The following ITPRID2 variants were observed in gnomAD, a reference collection of about 807,000 sequenced individuals.
ITPRID2 encodes the protein protein ITPRID2.
In ITPRID2, 60 loss-of-function variants were observed where a neutral mutation model predicts 124.3. That is an observed-to-expected ratio of 0.48 (90% CI 0.39 to 0.60). The LOEUF (loss-of-function observed/expected upper bound fraction) is 0.60, where lower values mean the gene tolerates loss of function less well. Among genes scored for constraint, ITPRID2 ranks in the 20% least tolerant of loss-of-function variants. The probability of loss-of-function intolerance (pLI) is 0.00; values close to 1 mark genes in which losing one functional copy is unlikely to be tolerated. For missense variants in ITPRID2, 1,553 were observed against 1,512.2 expected, an observed-to-expected ratio of 1.03 and a Z score of -0.45; for synonymous variants, 521 against 542.9, an observed-to-expected ratio of 0.96 and a Z score of 0.56.
At chr2:181,918,311 G>GA (rs1553490069) in intron 11 of ITPRID2, 10 of 1,145,570 alleles carry the variant, frequency 8.7e-6, no homozygotes, top group Non-Finnish European at 1.1e-5. Context: ...TTTTGATTTT[G>GA]TTTTTTTTTA....
At chr2:181,921,223 A>G (rs1329183457) in intron 15 of ITPRID2, among the ~76,000 whole-genome samples, 3 of 151,616 alleles carry the variant, frequency 2.0e-5, no homozygotes, top group Non-Finnish European at 4.4e-5. Flanking sequence ...CATGCCTGTA[A>G]TCCCAGCATT....
intron 6 of ITPRID2, among the ~76,000 whole-genome samples, chr2:181,900,338 TC>T (rs1195150562): frequency 6.6e-6 from 1 of 152,218 alleles, no homozygotes; most frequent in Non-Finnish European, 1.5e-5. Flanking sequence ...TTTAATCTGT[TC>T]ATTCCTTATT....
chr2:181,920,603 T>C lies in ITPRID2; in HGVS notation c.3151T>C (p.Cys1051Arg), dbSNP rs1427504466. ...ATTGTTCTTACCTTTTCAGGGAATG[T>C]GTGGCAGTAGAAGCGCTGATAACTT... ...PFRSSALMGM[C>R]GSRSADNLSC... The change falls in exon 15 of 18, where the codon TGT becomes CGT. Residue 1051 changes from cysteine (C) to arginine (R), a missense_variant. Coordinates refer to ENST00000431877, the MANE Select transcript of ITPRID2 (RefSeq NM_001130445.3). 1 of 1,612,706 alleles carries C rather than the reference T, an allele frequency of 6.2e-7. No homozygotes were observed. Among genetic ancestry groups the C allele is most frequent in the African/African-American group, 1.3e-5 (1 of 74,894 alleles).
rs971324661 is a variant in ITPRID2 at position 181,929,585 on chromosome 2, G to A, written c.*38G>A. 6.2e-7 allele frequency: 1 copy of A among 1,612,808 alleles called. No individual in the cohort carries two copies. The highest frequency in any genetic ancestry group is 8.5e-7 in the Non-Finnish European group (1 of 1,179,228). On this transcript the variant is annotated 3_prime_UTR_variant, in exon 18 of 18. Coordinates refer to ENST00000431877, the MANE Select transcript of ITPRID2 (RefSeq NM_001130445.3). ...GGTTGGCATGGATCCTATTAGCTGT[G>A]TAATACTGGAATTATCAATGATATG...
At chr2:181,914,658 T>TA (rs1408516501) in intron 10 of ITPRID2, among the ~76,000 whole-genome samples, 1 of 152,196 alleles carries the variant, frequency 6.6e-6, no homozygotes, top group Non-Finnish European at 1.5e-5. Context: ...AATGATAGCT[T>TA]AAGAGTGAGG....
rs1694997722 is a variant in ITPRID2 at position 181,928,151 on chromosome 2, T to C, written c.3676-10T>C. ...TGGTAAATTTTTGTTTTATTGTTTT[T>C]CCAATCTAGATTAAAGAGTCTATTG... On this transcript the variant is annotated splice_polypyrimidine_tract_variant and intron_variant, in intron 16 of 17. Transcript: ENST00000431877. 6.6e-7 allele frequency: 1 copy of C among 1,508,238 alleles called. No homozygotes were observed. Among genetic ancestry groups the C allele is most frequent in the African/African-American group, 1.4e-5 (1 of 70,956 alleles). The allele number at this position is 1,508,238 out of a possible 1,614,324, so 93.4% of individuals were successfully genotyped here. A position where few individuals can be genotyped will look rare whatever the true frequency, so the allele number is the denominator to read the frequency against.
chr2:181,913,291 TCTC>T (rs1693767192), intron 9 of ITPRID2, among the ~76,000 whole-genome samples: 1 of 152,088 alleles, frequency 6.6e-6, no homozygotes, highest in Admixed American at 6.5e-5. Context: ...ATGGTCTCGA[TCTC>T]CTAACCTCGT....
chr2:181,913,672 A>G (rs1175838021), intron 9 of ITPRID2, among the ~76,000 whole-genome samples, 173 bp from the exon 10 acceptor site: 1 of 152,186 alleles, frequency 6.6e-6, no homozygotes, highest in Non-Finnish European at 1.5e-5. Flanking sequence ...TACTTTGAAG[A>G]CATAATTTTG....
At chr2:181,920,445 A>G (rs1206520365) in intron 14 of ITPRID2, 152 bp from the exon 15 acceptor site, 5 of 488,474 alleles carry the variant, frequency 1.0e-5, no homozygotes, top group Non-Finnish European at 1.7e-5. Flanking sequence ...CCTTTGTGAC[A>G]TAAAGGGATG....
intron 4 of ITPRID2, among the ~76,000 whole-genome samples, chr2:181,897,523 T>G (rs1692300652): frequency 6.6e-6 from 1 of 151,986 alleles, no homozygotes; most frequent in South Asian, 2.1e-4. Flanking sequence ...TTGTGCTATT[T>G]AAAAGTTTTT....
intron 15 of ITPRID2, among the ~76,000 whole-genome samples, chr2:181,920,864 T>C (rs572896452): frequency 6.6e-6 from 1 of 152,350 alleles, no homozygotes; most frequent in East Asian, 1.9e-4. Flanking sequence ...AATAGTGATT[T>C]ATCTTTCTGA....
rs201180583 is a variant in ITPRID2 at position 181,915,372 on chromosome 2, G to A, written c.1732G>A (p.Gly578Arg). Residue 578 changes from glycine to arginine, a missense_variant, in exon 11 of 18, where the codon GGA (glycine) becomes AGA (arginine). Transcript: ENST00000431877. ...EEESLVPLQK[G>R]LEKAAAVADK... ...GGAGTCTCTTGTCCCTCTTCAGAAG[G>A]GACTAGAGAAGGCAGCAGCAGTTGC... The A allele has an allele frequency of 5.1e-5, 83 of 1,613,948 alleles. No individual in the cohort carries two copies. The highest frequency in any genetic ancestry group is 4.9e-4 in the Middle Eastern group (3 of 6,084).
rs183995337 is a variant in ITPRID2, at chr2:181,918,605, T to G, written c.2795T>G (p.Met932Arg). The G allele has an allele frequency of 4.3e-6, 7 of 1,613,942 alleles. No individual in the cohort carries two copies. The East Asian group carries it at 1.6e-4, about 36-fold the overall frequency. ...ACTTTTACTTTTTTGAAGTACCCTA[T>G]GATGAGAGGACCTGATCCTGCTGCT... ...NSLQNLSQYP[M>R]MRGPDPAAAP... is the part of the protein sequence containing the mutation. The change falls in exon 12 of 18, where the codon ATG (methionine) becomes AGG (arginine). Residue 932 changes from methionine to arginine, a missense_variant. Physicochemically the swap from Met to Arg is moderately conservative, Grantham distance 91 (BLOSUM62 -1). Transcript: ENST00000431877.
rs754923283 is a variant in ITPRID2 at position 181,915,652 on chromosome 2, C to T, written c.2012C>T (p.Ala671Val). 4.6e-5 allele frequency: 74 copies of T among 1,614,070 alleles called. No individual in the cohort carries two copies. The highest frequency in any genetic ancestry group is 6.1e-5 in the Non-Finnish European group (72 of 1,180,038). Reference sequence around the variant, plus strand: ...CTGAAATCATTGGCTTCTATTGAAGCTAAATGCAGTGATATGAGCTCTGAA... The same window carrying T: ...CTGAAATCATTGGCTTCTATTGAAGTTAAATGCAGTGATATGAGCTCTGAA... The part of the protein sequence containing the change: ...HILKSLASIE[A>V]KCSDMSSENT... Residue 671 changes from alanine (A) to valine (V), a missense_variant, in exon 11 of 18, where the codon GCT (alanine) becomes GTT (valine). Physicochemically the swap from Ala to Val is moderately conservative, Grantham distance 64. Transcript: ENST00000431877.
At chr2:181,921,425 C>T (rs1694473263) in intron 15 of ITPRID2, among the ~76,000 whole-genome samples, 1 of 151,934 alleles carries the variant, frequency 6.6e-6, no homozygotes, top group South Asian at 2.1e-4. Context: ...TTGCAGTGAG[C>T]CGAGATCAAG....
chr2:181,913,892 G>T lies in ITPRID2; in HGVS notation c.1534G>T (p.Ala512Ser), dbSNP rs1390522741. Residue 512 changes from alanine to serine, a missense_variant, in exon 10 of 18, where the codon GCT becomes TCT. Ala to Ser is a moderately conservative substitution (Grantham distance 99, BLOSUM62 1). Transcript: ENST00000431877. ...ASQHSDSSGF[A>S]EDSTDCLSLN... ...TCAGCATTCCGATAGCAGTGGTTTT[G>T]CTGAAGATTCTACAGACTGCCTATC... is the stretch of plus-strand genomic sequence containing the variant. 6.2e-7 allele frequency: 1 copy of T among 1,613,294 alleles called. No individual in the cohort carries two copies. Among genetic ancestry groups the T allele is most frequent in the Non-Finnish European group, 8.5e-7 (1 of 1,179,752 alleles).
Position 181,910,689 on chromosome 2 carries a change from C to A in ITPRID2, c.1486+718C>A. 3.1e-6 allele frequency: 2 copies of A among 642,690 alleles called. No homozygotes were observed. Among genetic ancestry groups the A allele is most frequent in the Middle Eastern group, 2.5e-4 (1 of 4,068 alleles). 39.8% of individuals were successfully genotyped at this position (642,690 alleles called of 1,614,324 possible). On this transcript the variant is annotated intron_variant, in intron 9 of 17. Coordinates refer to ENST00000431877, the MANE Select transcript of ITPRID2 (RefSeq NM_001130445.3). This position sits in a 1 kb window ranked among gnomAD's most constrained non-coding sequence, Gnocchi z 4.1. ...TGAACCACCCTGTTTTTTTTTTAAACAAAGATTCGTATGTATGTTCCTAGA... is the reference window on the plus strand; with the variant it reads ...TGAACCACCCTGTTTTTTTTTTAAAAAAAGATTCGTATGTATGTTCCTAGA...
Position 181,907,953 on chromosome 2 carries a change from T to A in ITPRID2, c.1414-1946T>A, listed in dbSNP as rs1693283885. Among the ~76,000 whole-genome samples the A allele has an allele frequency of 6.6e-6, 1 of 152,242 alleles. No individual in the cohort carries two copies. The highest frequency in any genetic ancestry group is 1.5e-5 in the Non-Finnish European group (1 of 68,034). On this transcript the variant is annotated intron_variant, in intron 8 of 17. Transcript: ENST00000431877. The surrounding 1 kb of genome is among the most constrained non-coding windows in gnomAD (Gnocchi z 5.1). ...TTGTAGTAAAAGGAGAGAGTAGATT[T>A]GTTTTTGCCATTGAGTAGCATCTTG...
At chr2:181,912,402 A>G (rs901587486) in intron 9 of ITPRID2, among the ~76,000 whole-genome samples, 2 of 152,192 alleles carry the variant, frequency 1.3e-5, no homozygotes, top group Admixed American at 6.5e-5. Flanking sequence ...AAGTATTCCA[A>G]TTTACGTAGG....
Sources: allele counts gnomAD v4.1 joint callset (sites outside exome capture counted in the v4.1 genomes callset), GRCh38; gene constraint gnomAD v4.1.1; non-coding constraint Gnocchi (gnomAD v3.1); transcripts MANE v1.5; gene names NCBI Gene and HGNC (gene_info 2026-07-23, HGNC 2026-07-21).